The following SHROOM3 variants were observed in gnomAD, a reference collection of about 807,000 sequenced individuals.
SHROOM3 encodes the protein shroom family member 3.
A neutral mutation model predicts 138.6 loss-of-function variants in SHROOM3; 47 were observed. That is an observed-to-expected ratio of 0.34 (90% CI 0.27 to 0.43). SHROOM3 has a LOEUF of 0.43. Among genes scored for constraint, SHROOM3 ranks in the 20% least tolerant of loss-of-function variants. SHROOM3 has a pLI of 1.00. For missense variants in SHROOM3, 2,491 were observed against 2,596.5 expected (o/e 0.96, Z 0.88); for synonymous variants, 1,062 against 1,063.3 (o/e 1.00, Z 0.02).
At chr4:76,619,271 A>G (rs1012235754) in intron 2 of SHROOM3, among the ~76,000 whole-genome samples, 2 of 151,884 alleles carry the variant, frequency 1.3e-5, no homozygotes, top group South Asian at 2.1e-4. Context: ...TGACTTTCTG[A>G]CCCATATTGT....
intron 1 of SHROOM3, among the ~76,000 whole-genome samples, chr4:76,468,873 T>G (rs563699063): frequency 1.0e-3 from 151 of 151,188 alleles, no homozygotes; most frequent in African/African-American, 3.4e-3. Flanking sequence ...CTACTAAAAA[T>G]ACAAAAAAAA....
intron 2 of SHROOM3, among the ~76,000 whole-genome samples, chr4:76,592,117 G>A (rs1734285893): frequency 6.6e-6 from 1 of 151,884 alleles, no homozygotes; most frequent in Non-Finnish European, 1.5e-5. Context: ...AAACTTGAAA[G>A]AGGGGAAAAA....
At chr4:76,612,770 C>CTCAA (rs1353018164) in intron 2 of SHROOM3, among the ~76,000 whole-genome samples, 8 of 152,164 alleles carry the variant, frequency 5.3e-5, no homozygotes, top group East Asian at 3.9e-4. Flanking sequence ...AAGACTCCAT[C>CTCAA]TCAATCAATC....
At chr4:76,471,246 CTT>C (rs1310668142) in intron 1 of SHROOM3, among the ~76,000 whole-genome samples, 28 of 141,406 alleles carry the variant, frequency 2.0e-4, no homozygotes, top group Non-Finnish European at 1.7e-4. Context: ...TCCTTTCTTT[CTT>C]TTTTTTTTTT....
At chr4:76,591,308 A>T (rs1342219004) in intron 2 of SHROOM3, among the ~76,000 whole-genome samples, 2 of 152,232 alleles carry the variant, frequency 1.3e-5, no homozygotes, top group Non-Finnish European at 2.9e-5. Flanking sequence ...ATCACCTAAA[A>T]GGAACTTGGG....
intron 2 of SHROOM3, among the ~76,000 whole-genome samples, chr4:76,605,988 C>CATATATATATAT (rs1204493236): frequency 3.2e-5 from 3 of 93,874 alleles, no homozygotes; most frequent in African/African-American, 8.7e-5. Context: ...TACACACACA[C>CATATATATATAT]ACATATATAT....
chr4:76,601,040 C>T (rs915592781), intron 2 of SHROOM3, among the ~76,000 whole-genome samples: 2 of 152,146 alleles, frequency 1.3e-5, no homozygotes, highest in Non-Finnish European at 2.9e-5. Context: ...ATTACTTTAA[C>T]GGCAAAAGCC....
In SHROOM3 at chr4:76,674,362, A is replaced by G. The variant is rs548476128; in HGVS notation, c.324-35794A>G. Reference sequence around the variant, plus strand: ...CTTTTCTTCTCTCCTACACATTTTCAGGTAGGTGAGACAGGAACTCATTCA... The same window carrying G: ...CTTTTCTTCTCTCCTACACATTTTCGGGTAGGTGAGACAGGAACTCATTCA... On this transcript the variant is annotated intron_variant, in intron 2 of 10. Transcript: ENST00000296043. 2.6e-5 allele frequency among the ~76,000 whole-genome samples: 4 copies of G among 152,074 alleles called. No homozygotes were observed. The East Asian group carries it at 5.8e-4, about 22-fold the overall frequency.
intron 5 of SHROOM3, among the ~76,000 whole-genome samples, chr4:76,743,175 A>G (rs1578011568): frequency 6.6e-6 from 1 of 152,200 alleles, no homozygotes; most frequent in East Asian, 1.9e-4. Context: ...CATGATGACA[A>G]GAGATTAGGG....
intron 1 of SHROOM3, among the ~76,000 whole-genome samples, chr4:76,460,106 T>G (rs1230364624): frequency 6.6e-6 from 1 of 152,228 alleles, no homozygotes; most frequent in African/African-American, 2.4e-5. Flanking sequence ...GTGTGTGAAC[T>G]TCACACATTA....
chr4:76,764,731 C>G (rs775243048), intron 9 of SHROOM3, among the ~76,000 whole-genome samples: 10 of 152,170 alleles, frequency 6.6e-5, no homozygotes, highest in Non-Finnish European at 1.3e-4. Flanking sequence ...TAAATATTGG[C>G]TCCTCCTGTA....
At chr4:76,659,667 C>T (rs1031300380) in intron 2 of SHROOM3, among the ~76,000 whole-genome samples, 2 of 152,110 alleles carry the variant, frequency 1.3e-5, no homozygotes, top group East Asian at 1.9e-4. Context: ...CTGCAACCTC[C>T]GCCTCCCAGG....
At chr4:76,443,554 A>T (rs1730741972) in intron 1 of SHROOM3, among the ~76,000 whole-genome samples, 1 of 152,228 alleles carries the variant, frequency 6.6e-6, no homozygotes, top group Non-Finnish European at 1.5e-5. Context: ...TGCAGTGCAG[A>T]GTCCTTGTTC....
intron 2 of SHROOM3, among the ~76,000 whole-genome samples, chr4:76,649,550 T>C (rs1407457276): frequency 2.0e-5 from 3 of 152,212 alleles, no homozygotes; most frequent in Non-Finnish European, 4.4e-5. Flanking sequence ...TTATGCTACA[T>C]AAATTTGACA....
At position 76,721,008 on chromosome 4, in the gene SHROOM3, A is replaced by G. The variant is rs150883809; in HGVS notation, c.456-9796A>G. On this transcript the variant is annotated intron_variant, in intron 3 of 10. Coordinates refer to ENST00000296043, the MANE Select transcript of SHROOM3 (RefSeq NM_020859.4). ...GGGCAATTTAGCAGTAATTATCAAAATTGGAAGTGCATTTACCCTTTGAGC... is the reference window on the plus strand; with the variant it reads ...GGGCAATTTAGCAGTAATTATCAAAGTTGGAAGTGCATTTACCCTTTGAGC... Among the ~76,000 whole-genome samples, 1,150 of 151,906 alleles carry G rather than the reference A, an allele frequency of 7.6e-3. 16 individuals carry two copies. Among genetic ancestry groups the G allele is most frequent in the African/African-American group, 0.025 (1,024 of 41,468 alleles).
Position 76,739,637 on chromosome 4 carries a change from C to T in SHROOM3, c.1464C>T (p.Asn488=), listed in dbSNP as rs1378060927. 18 of 1,614,058 alleles carry T rather than the reference C, an allele frequency of 1.1e-5. No homozygotes were observed. The highest frequency in any genetic ancestry group is 2.2e-5 in the East Asian group (1 of 44,896). ...TGCCTCAGCCTTCTGTGAGTAGCAACGGTATGCTCTACCCTGCACTGGCCA... is the reference window on the plus strand; with the variant it reads ...TGCCTCAGCCTTCTGTGAGTAGCAATGGTATGCTCTACCCTGCACTGGCCA... ...AQVPQPSVSS[N]GMLYPALAKE... is the part of the protein sequence containing the mutation. Residue 488 remains asparagine, a synonymous_variant, in exon 5 of 11, where the codon AAC becomes AAT. Transcript: ENST00000296043.
intron 2 of SHROOM3, among the ~76,000 whole-genome samples, chr4:76,651,753 A>G (rs1402965056): frequency 6.6e-6 from 1 of 152,196 alleles, no homozygotes; most frequent in Non-Finnish European, 1.5e-5. Flanking sequence ...TCCTCCTTAC[A>G]AATTTGCTTG....
intron 1 of SHROOM3, among the ~76,000 whole-genome samples, chr4:76,481,512 TAA>T (rs577142529): frequency 7.2e-6 from 1 of 138,984 alleles, no homozygotes; most frequent in African/African-American, 2.6e-5. Flanking sequence ...GGTAGGCTAT[TAA>T]AAAAAAAAAA....
At chr4:76,520,572 T>C (rs940761055) in intron 1 of SHROOM3, among the ~76,000 whole-genome samples, 1 of 152,178 alleles carries the variant, frequency 6.6e-6, no homozygotes, top group Non-Finnish European at 1.5e-5. Context: ...GTTATACAGC[T>C]AGTGAGTAAC....
Sources: gnomAD v4.1 joint callset for allele counts (sites outside exome capture counted in the v4.1 genomes callset) on GRCh38, gnomAD v4.1.1 for gene constraint, MANE v1.5 for transcripts, NCBI Gene and HGNC (gene_info 2026-07-23, HGNC 2026-07-21) for gene names.